GADL1: variants seen among roughly 807,000 people sequenced by gnomAD.
GADL1 encodes the protein acidic amino acid decarboxylase GADL1.
GADL1 carries 71 observed loss-of-function variants against 69.5 expected under a neutral mutation model. That is an observed-to-expected ratio of 1.02 (90% CI 0.84 to 1.25). The LOEUF (loss-of-function observed/expected upper bound fraction) is 1.25. Among genes scored for constraint, GADL1 ranks in the 50% most tolerant of loss-of-function variants. The probability of loss-of-function intolerance (pLI) is 0.00; values close to 1 mark genes in which losing one functional copy is unlikely to be tolerated. For missense variants in GADL1, 737 were observed against 631.8 expected (o/e 1.17, Z -1.79); for synonymous variants, 254 against 214.4 (o/e 1.18, Z -1.62).
intron 14 of GADL1, among the ~76,000 whole-genome samples, chr3:30,754,254 T>C (rs1695909301): frequency 6.6e-6 from 1 of 152,188 alleles, no homozygotes; most frequent in Non-Finnish European, 1.5e-5. Context: ...ACCATTTTAT[T>C]TTTTCAAGAT....
chr3:30,865,283 TAA>T (rs1559364715), intron 1 of GADL1, among the ~76,000 whole-genome samples: 2 of 103,206 alleles, frequency 1.9e-5, no homozygotes, highest in African/African-American at 1.6e-4. Flanking sequence ...CCACGTAAAT[TAA>T]TATATATATA....
intron 14 of GADL1, among the ~76,000 whole-genome samples, chr3:30,763,183 C>T (rs1294775734): frequency 6.6e-6 from 1 of 152,142 alleles, no homozygotes; most frequent in Non-Finnish European, 1.5e-5. Context: ...AATGGGGTTA[C>T]ATACCCATGA....
intron 11 of GADL1, among the ~76,000 whole-genome samples, chr3:30,814,517 G>GC (rs369455572): frequency 2.6e-5 from 4 of 152,294 alleles, no homozygotes; most frequent in African/African-American, 9.6e-5. Flanking sequence ...TAGCATGAAA[G>GC]CTGCCATAGA....
chr3:30,789,079 C>T (rs528024366), intron 12 of GADL1, among the ~76,000 whole-genome samples: 2 of 152,164 alleles, frequency 1.3e-5, no homozygotes, highest in Admixed American at 1.3e-4. Context: ...ATTTTCAATT[C>T]ACTTTGCCCA....
At chr3:30,764,112 A>G (rs1696209317) in intron 14 of GADL1, among the ~76,000 whole-genome samples, 1 of 152,008 alleles carries the variant, frequency 6.6e-6, no homozygotes. Flanking sequence ...AATGTACATT[A>G]TATATACTTA....
chr3:30,763,208 G>T (rs1191697591), intron 14 of GADL1, among the ~76,000 whole-genome samples: 1 of 152,054 alleles, frequency 6.6e-6, no homozygotes, highest in African/African-American at 2.4e-5. Context: ...ATCATAAATT[G>T]AAAGTATTGG....
In GADL1 at chr3:30,847,024, A is replaced by C. The variant is rs189672463; in HGVS notation, c.652-2558T>G. Among the ~76,000 whole-genome samples the C allele has an allele frequency of 5.4e-4, 83 of 152,326 alleles. No individual in the cohort carries two copies. The Middle Eastern group carries it at 0.017, about 31-fold the overall frequency. The stretch of plus-strand genomic sequence containing the variant: ...TTACCCTACTTTTTAGTGGCAAATC[A>C]TAATTACTGCTTTATGCTAATTCCA... On this transcript the variant is annotated intron_variant, in intron 6 of 14. Coordinates refer to ENST00000282538, the MANE Select transcript of GADL1 (RefSeq NM_207359.3).
At chr3:30,773,268 T>C (rs944964763) in intron 14 of GADL1, among the ~76,000 whole-genome samples, 3 of 152,170 alleles carry the variant, frequency 2.0e-5, no homozygotes, top group African/African-American at 7.2e-5. Context: ...ACGTACCATA[T>C]TGGGATTAAT....
intron 11 of GADL1, among the ~76,000 whole-genome samples, chr3:30,819,778 T>A (rs1002103657): frequency 6.6e-6 from 1 of 151,886 alleles, no homozygotes; most frequent in East Asian, 1.9e-4. Context: ...GAATACAAGA[T>A]AAAAATGAGA....
Position 30,834,245 on chromosome 3 carries a change from G to C in GADL1, c.940C>G (p.His314Asp). 6.2e-7 allele frequency: 1 copy of C among 1,612,804 alleles called. No homozygotes were observed. Among genetic ancestry groups the C allele is most frequent in the East Asian group, 2.2e-5 (1 of 44,800 alleles). ...WGGSALMSRKHRKLLHGIHRA... is the reference protein window; with the variant it reads ...WGGSALMSRKDRKLLHGIHRA... The stretch of plus-strand genomic sequence containing the variant: ...TGGATGCCATGCAGAAGCTTGCGGT[G>C]CTTCCTCGACATCAAAGCTGAGCCA... The change falls in exon 10 of 15, where the codon CAC becomes GAC. Residue 314 changes from histidine (H) to aspartate (D), a missense_variant. His to Asp is a moderately conservative substitution (Grantham distance 81). Coordinates refer to ENST00000282538, the MANE Select transcript of GADL1 (RefSeq NM_207359.3).
intron 11 of GADL1, among the ~76,000 whole-genome samples, chr3:30,810,895 G>A (rs2125512392): frequency 6.6e-6 from 1 of 152,196 alleles, no homozygotes; most frequent in East Asian, 1.9e-4. Flanking sequence ...TACAAGGGTG[G>A]GGCTGGAAAC....
intron 13 of GADL1, among the ~76,000 whole-genome samples, chr3:30,779,857 A>G (rs879054146): frequency 8.5e-5 from 13 of 152,166 alleles, no homozygotes; most frequent in African/African-American, 2.9e-4. Flanking sequence ...ATGTGGTCCA[A>G]TCTTAGACTT....
intron 11 of GADL1, among the ~76,000 whole-genome samples, chr3:30,814,464 C>T (rs1245812408): frequency 6.6e-6 from 1 of 152,102 alleles, no homozygotes; most frequent in Non-Finnish European, 1.5e-5. Flanking sequence ...TTCAGGTTTG[C>T]AAGCCATATG....
intron 11 of GADL1, among the ~76,000 whole-genome samples, chr3:30,825,613 G>A (rs1697667896): frequency 6.6e-6 from 1 of 151,902 alleles, no homozygotes; most frequent in Non-Finnish European, 1.5e-5. Context: ...GAACTCAAAA[G>A]GGCCTCAACT....
chr3:30,836,781 G>T (rs560354886), intron 9 of GADL1, among the ~76,000 whole-genome samples: 16 of 152,168 alleles, frequency 1.1e-4, no homozygotes, highest in African/African-American at 3.9e-4. Context: ...CTTTCCAGCA[G>T]CTACAACCTC....
intron 11 of GADL1, among the ~76,000 whole-genome samples, chr3:30,810,874 C>T (rs990099904): frequency 3.3e-5 from 5 of 152,132 alleles, no homozygotes; most frequent in South Asian, 4.1e-4. Context: ...GGAAGTCCCT[C>T]CCCCTCCTGC....
intron 12 of GADL1, among the ~76,000 whole-genome samples, chr3:30,791,761 A>G (rs946263990): frequency 1.3e-5 from 2 of 152,014 alleles, no homozygotes; most frequent in African/African-American, 4.8e-5. Context: ...AGCTCCCATA[A>G]TCCCCATGGG....
At chr3:30,794,353 A>AGT (rs1461317651) in intron 12 of GADL1, among the ~76,000 whole-genome samples, 3 of 152,224 alleles carry the variant, frequency 2.0e-5, no homozygotes, top group East Asian at 3.9e-4. Context: ...AAAATCCCTT[A>AGT]GTGGATATCC....
chr3:30,865,244 A>C (rs1698382985), intron 1 of GADL1, among the ~76,000 whole-genome samples: 1 of 151,470 alleles, frequency 6.6e-6, no homozygotes, highest in African/African-American at 2.4e-5. Flanking sequence ...TTGATTCCAG[A>C]GCAGTGACTA....
Sources: gnomAD v4.1 joint callset for allele counts (sites outside exome capture counted in the v4.1 genomes callset) on GRCh38, gnomAD v4.1.1 for gene constraint, MANE v1.5 for transcripts, NCBI Gene and HGNC (gene_info 2026-07-23, HGNC 2026-07-21) for gene names.